SLC26A8: variants seen among roughly 807,000 people sequenced by gnomAD.
SLC26A8 encodes solute carrier family 26 member 8.
A neutral mutation model predicts 105.0 loss-of-function variants in SLC26A8; 70 were observed. That is an observed-to-expected ratio of 0.67 (90% CI 0.55 to 0.81). The LOEUF (loss-of-function observed/expected upper bound fraction) is 0.81. SLC26A8 is among the 40% of genes least tolerant of loss of function. The pLI is 0.00. For synonymous variants in SLC26A8, 415 were observed against 438.3 expected (o/e 0.95, Z 0.66); for missense variants, 998 against 1,181.8 (o/e 0.84, Z 2.28).
At chr6:35,958,808 G>A (rs969512500) in intron 16 of SLC26A8, among the ~76,000 whole-genome samples, 5 of 152,120 alleles carry the variant, frequency 3.3e-5, no homozygotes, top group Non-Finnish European at 4.4e-5. Flanking sequence ...GGTGATTGCC[G>A]AAAGACCCAA....
rs377430788 is a variant in SLC26A8 at position 35,982,145 on chromosome 6, G to C, written c.1001C>G (p.Thr334Arg). The change falls in exon 8 of 20, where the codon ACG becomes AGG. Residue 334 changes from threonine to arginine, a missense_variant. Physicochemically the swap from Thr to Arg is moderately conservative, Grantham distance 71. Transcript: ENST00000490799. ...CCTATAAGGAATCATGTCAATAAGCGTCTGGCTGGTTTCTGTGGCCATGCT... is the reference window on the plus strand; with the variant it reads ...CCTATAAGGAATCATGTCAATAAGCCTCTGGCTGGTTTCTGTGGCCATGCT... The part of the protein sequence containing the change: ...KISMATETSQ[T>R]LIDMIPYSFL... 3.1e-6 allele frequency: 5 copies of C among 1,614,018 alleles called. No individual in the cohort carries two copies. Among genetic ancestry groups the C allele is most frequent in the East Asian group, 2.2e-5 (1 of 44,900 alleles).
intron 8 of SLC26A8, among the ~76,000 whole-genome samples, chr6:35,978,969 T>A (rs866609298): frequency 6.7e-6 from 1 of 149,602 alleles, no homozygotes; most frequent in Non-Finnish European, 1.5e-5. Flanking sequence ...GCCTCCCAAG[T>A]AGCTAGGATT....
chr6:35,977,812 C>A (rs980674436), intron 8 of SLC26A8, among the ~76,000 whole-genome samples: 2 of 151,984 alleles, frequency 1.3e-5, no homozygotes, highest in African/African-American at 4.8e-5. Flanking sequence ...TGGCTGGGTG[C>A]GGTGGCTCAC....
intron 8 of SLC26A8, among the ~76,000 whole-genome samples, chr6:35,978,755 A>T (rs1379235038): frequency 6.6e-6 from 1 of 151,950 alleles, no homozygotes; most frequent in Admixed American, 6.6e-5. Context: ...AGTAGAAAGA[A>T]TTCACTTTTA....
intron 1 of SLC26A8, among the ~76,000 whole-genome samples, chr6:36,021,180 A>G (rs1166023946): frequency 6.6e-6 from 1 of 152,216 alleles, no homozygotes; most frequent in African/African-American, 2.4e-5. Context: ...TAAAGATCAC[A>G]AATTCTCTAA....
intron 5 of SLC26A8, among the ~76,000 whole-genome samples, chr6:35,993,683 A>T (rs1404323966): frequency 1.3e-5 from 2 of 152,118 alleles, no homozygotes; most frequent in Non-Finnish European, 2.9e-5. Flanking sequence ...ACAATATTTG[A>T]TAATTTATAC....
intron 5 of SLC26A8, among the ~76,000 whole-genome samples, chr6:35,993,184 A>AG (rs1322911244): frequency 4.7e-4 from 9 of 19,110 alleles, no homozygotes; most frequent in Admixed American, 1.5e-3. Flanking sequence ...TTTGATAGAG[A>AG]TTGGAGGGGG....
At chr6:36,002,834 G>A (rs1761563741) in intron 3 of SLC26A8, among the ~76,000 whole-genome samples, 1 of 151,876 alleles carries the variant, frequency 6.6e-6, no homozygotes, top group Non-Finnish European at 1.5e-5. Flanking sequence ...CTCCTGAGTA[G>A]CTGGGACTAT....
chr6:35,955,635 C>T, intron 16 of SLC26A8, 115 bp from the exon 17 acceptor site: 2 of 1,336,346 alleles, frequency 1.5e-6, no homozygotes, highest in Admixed American at 2.1e-5. Flanking sequence ...CATGAAACTT[C>T]TCCCGAGAGT....
At chr6:36,015,997 T>G (rs1014877634) in intron 2 of SLC26A8, among the ~76,000 whole-genome samples, 4 of 151,966 alleles carry the variant, frequency 2.6e-5, no homozygotes, top group African/African-American at 7.3e-5. Flanking sequence ...ATTCTTTGTT[T>G]TTTTTTTTTC....
At chr6:35,948,163 T>A (rs1771739692) in intron 19 of SLC26A8, among the ~76,000 whole-genome samples, 1 of 152,226 alleles carries the variant, frequency 6.6e-6, no homozygotes, top group Non-Finnish European at 1.5e-5. Context: ...GGTGGGGACC[T>A]GACAAAAGAT....
chr6:35,987,955 AG>A (rs1269296072), intron 7 of SLC26A8, among the ~76,000 whole-genome samples: 1 of 141,986 alleles, frequency 7.0e-6, no homozygotes, highest in Non-Finnish European at 1.5e-5. Flanking sequence ...TCTGTCGTCC[AG>A]GCTGGAGGGC....
At chr6:36,001,549 G>A (rs980372123) in intron 3 of SLC26A8, among the ~76,000 whole-genome samples, 1 of 152,174 alleles carries the variant, frequency 6.6e-6, no homozygotes, top group African/African-American at 2.4e-5. Context: ...TCTGAGATTA[G>A]GTTGCAAAAA....
At position 35,968,965 on chromosome 6, in the gene SLC26A8, A is replaced by G; in HGVS notation, c.1288-11T>C. ...TACCAGAGATGCAAACTGAGGAGAC[A>G]GAGCCAGTTGGAGAGAAACCATCAG... On this transcript the variant is annotated splice_polypyrimidine_tract_variant and intron_variant, in intron 10 of 19. Transcript: ENST00000490799. 1.2e-6 allele frequency: 2 copies of G among 1,611,178 alleles called. No homozygotes were observed. Among genetic ancestry groups the G allele is most frequent in the Non-Finnish European group, 1.7e-6 (2 of 1,178,684 alleles).
At chr6:36,009,473 A>G (rs543683385) in intron 3 of SLC26A8, among the ~76,000 whole-genome samples, 3 of 152,348 alleles carry the variant, frequency 2.0e-5, no homozygotes, top group Non-Finnish European at 4.4e-5. Context: ...AAATGTTTAA[A>G]TGAACTGTGA....
chr6:35,970,933 C>T (rs944064266), intron 10 of SLC26A8, among the ~76,000 whole-genome samples: 10 of 152,158 alleles, frequency 6.6e-5, no homozygotes, highest in African/African-American at 2.4e-4. Context: ...GAGGCTGAGG[C>T]AGGAGAATCG....
intron 10 of SLC26A8, among the ~76,000 whole-genome samples, chr6:35,973,169 C>T (rs1262637580): frequency 6.6e-6 from 1 of 152,176 alleles, no homozygotes; most frequent in African/African-American, 2.4e-5. Flanking sequence ...TGCTTATATA[C>T]TGAATAAACA....
At chr6:35,958,864 A>G (rs1003706758) in intron 16 of SLC26A8, among the ~76,000 whole-genome samples, 3 of 152,164 alleles carry the variant, frequency 2.0e-5, no homozygotes, top group Non-Finnish European at 2.9e-5. Flanking sequence ...GACTACTTAG[A>G]TCAAGTCCAG....
rs1773285231 is a variant in SLC26A8, at chr6:35,981,985, T to C, written c.1025+136A>G. On this transcript the variant is annotated intron_variant, in intron 8 of 19. Transcript: ENST00000490799. This position sits in a 1 kb window ranked among gnomAD's most constrained non-coding sequence, Gnocchi z 4.0. The stretch of plus-strand genomic sequence containing the variant: ...GTTGTCCCTAGCCCTTCTCCTTTCA[T>C]GAACCTCTGTGTTCAAAAATGAATT... The C allele has an allele frequency of 1.2e-6, 1 of 810,072 alleles. No individual in the cohort carries two copies. Among genetic ancestry groups the C allele is most frequent in the Non-Finnish European group, 2.0e-6 (1 of 503,400 alleles). The allele number at this position is 810,072 out of a possible 1,614,324, so 50.2% of individuals were successfully genotyped here.
Sources: allele counts gnomAD v4.1 joint callset (sites outside exome capture counted in the v4.1 genomes callset), GRCh38; gene constraint gnomAD v4.1.1; non-coding constraint Gnocchi (gnomAD v3.1); transcripts MANE v1.5; gene names NCBI Gene and HGNC (gene_info 2026-07-23, HGNC 2026-07-21).